Variants in NCLN observed in about 807,000 individuals in gnomAD.
NCLN encodes the protein nicalin.
A neutral mutation model predicts 69.5 loss-of-function variants in NCLN; 34 were observed. That is an observed-to-expected ratio of 0.49 (90% CI 0.37 to 0.65). NCLN has a LOEUF of 0.65. Ranked by LOEUF, NCLN falls within the 30% of genes least tolerant of loss-of-function variation. The probability of loss-of-function intolerance (pLI) is 0.00; values close to 1 mark genes in which losing one functional copy is unlikely to be tolerated. For synonymous variants in NCLN, 393 were observed against 358.3 expected, an observed-to-expected ratio of 1.10 and a Z score of -1.09; for missense variants, 710 against 804.8, an observed-to-expected ratio of 0.88 and a Z score of 1.42.
chr19:3,198,728 G>C, intron 4 of NCLN, 89 bp from the exon 5 acceptor site: 1 of 1,047,170 alleles, frequency 9.5e-7, no homozygotes, highest in Non-Finnish European at 1.4e-6. Context: ...CGGGCCCCAC[G>C]TGGCCCAGAG....
intron 5 of NCLN, 62 bp downstream of exon 5, chr19:3,198,959 T>C (rs987235029): frequency 1.6e-5 from 20 of 1,241,942 alleles, no homozygotes; most frequent in Non-Finnish European, 1.9e-5. Flanking sequence ...TCCAGTCCAG[T>C]GCCGAGGCAA....
rs1396614403 is a variant in NCLN at position 3,209,288 on chromosome 19, A to G, written c.*1600A>G. On this transcript the variant is annotated 3_prime_UTR_variant, in exon 15 of 15. Transcript: ENST00000246117. ...GCCCTGCGGGTTGCCCGCCTCCTCC[A>G]GAGACTTGCCCAAGGGCCCATCACC... 1 of 152,266 alleles carries G rather than the reference A, an allele frequency of 6.6e-6. No homozygotes were observed. Among genetic ancestry groups the G allele is most frequent in the Non-Finnish European group, 1.5e-5 (1 of 68,090 alleles). The allele number at this position is 152,266 out of a possible 1,614,324, so 9.4% of individuals were successfully genotyped here.
intron 6 of NCLN, 96 bp from the exon 7 acceptor site, chr19:3,203,660 C>T (rs1474511900): frequency 6.2e-6 from 7 of 1,135,846 alleles, no homozygotes; most frequent in African/African-American, 3.1e-5. Flanking sequence ...TTGGGGAGAC[C>T]TTCATACCCT....
chr19:3,198,887 G>T lies in NCLN; in HGVS notation c.686G>T (p.Gly229Val). Residue 229 changes from glycine to valine, a missense_variant, in exon 5 of 15, where the codon GGA (glycine) becomes GTA (valine). Gly to Val is a moderately radical substitution (Grantham distance 109). Coordinates refer to ENST00000246117, the MANE Select transcript of NCLN (RefSeq NM_020170.4). Reference sequence around the variant, plus strand: ...ATCGTGGCCCACTACGACGCCTTTGGAGTGGCCCCCGTACGTATGTGTGTC... The same window carrying T: ...ATCGTGGCCCACTACGACGCCTTTGTAGTGGCCCCCGTACGTATGTGTGTC... The part of the protein sequence containing the change: ...IVIVAHYDAF[G>V]VAPWLSLGAD... The T allele has an allele frequency of 1.3e-6, 2 of 1,536,234 alleles. No individual in the cohort carries two copies. Among genetic ancestry groups the T allele is most frequent in the Non-Finnish European group, 8.8e-7 (1 of 1,140,478 alleles).
rs570512282 is a variant in NCLN at position 3,201,955 on chromosome 19, G to C, written c.800+329G>C. On this transcript the variant is annotated intron_variant, in intron 6 of 14. Coordinates refer to ENST00000246117, the MANE Select transcript of NCLN (RefSeq NM_020170.4). ...TGGTCGGGGCCGGATTTTTCGCTGGGGGTGGGGGCCGTCCTGGGCACTGCA... is the reference window on the plus strand; with the variant it reads ...TGGTCGGGGCCGGATTTTTCGCTGGCGGTGGGGGCCGTCCTGGGCACTGCA... 1.8e-4 allele frequency among the ~76,000 whole-genome samples: 27 copies of C among 152,232 alleles called. 1 individual carries two copies. In the South Asian group the frequency reaches 4.6e-3, roughly 26 times the overall value.
intron 1 of NCLN, among the ~76,000 whole-genome samples, 168 bp from the exon 2 acceptor site, chr19:3,192,302 G>GTT (rs1568310303): frequency 6.7e-6 from 1 of 148,684 alleles, no homozygotes; most frequent in African/African-American, 2.5e-5. Context: ...GACCCGTTAT[G>GTT]TCGGGGGCAG....
At chr19:3,201,412 G>A (rs943338108) in intron 5 of NCLN, 111 bp from the exon 6 acceptor site, 21 of 736,300 alleles carry the variant, frequency 2.9e-5, no homozygotes, top group Non-Finnish European at 3.4e-5. Flanking sequence ...ATGGGGCTAC[G>A]GGAGTAGGGT....
At position 3,205,839 on chromosome 19, in the gene NCLN, C is replaced by G. The variant is rs771431393; in HGVS notation, c.1209-100C>G. 1.8e-5 allele frequency: 18 copies of G among 1,001,178 alleles called. No homozygotes were observed. Among genetic ancestry groups the G allele is most frequent in the Non-Finnish European group, 2.8e-5 (18 of 653,438 alleles). The allele number at this position is 1,001,178 out of a possible 1,614,324, so 62.0% of individuals were successfully genotyped here. On this transcript the variant is annotated intron_variant, in intron 9 of 14. Transcript: ENST00000246117. The surrounding 1 kb of genome is among the most constrained non-coding windows in gnomAD (Gnocchi z 4.6). ...TTTTTTTTTTTTTTAAAGACAGAGT[C>G]TCACGGTCTCCTAGGCTGGAGTGCT... is the stretch of plus-strand genomic sequence containing the variant.
At chr19:3,191,492 G>A (rs1043976517) in intron 1 of NCLN, among the ~76,000 whole-genome samples, 1 of 152,184 alleles carries the variant, frequency 6.6e-6, no homozygotes, top group African/African-American at 2.4e-5. Flanking sequence ...GAAAGCTTAC[G>A]TGTCCAAGGC....
chr19:3,199,646 G>A (rs533817997), intron 5 of NCLN, among the ~76,000 whole-genome samples: 1 of 151,624 alleles, frequency 6.6e-6, no homozygotes, highest in African/African-American at 2.4e-5. Context: ...GGAGTGGGGT[G>A]GGGGGGCATG....
chr19:3,191,566 C>T (rs912207704), intron 1 of NCLN, among the ~76,000 whole-genome samples: 1 of 151,606 alleles, frequency 6.6e-6, no homozygotes, highest in African/African-American at 2.4e-5. Context: ...TGTGGCTCAA[C>T]ACAGGGGTTT....
rs183367989 is a variant in NCLN at position 3,196,841 on chromosome 19, C to T, written c.615+564C>T. Among the ~76,000 whole-genome samples the T allele has an allele frequency of 1.4e-3, 216 of 152,374 alleles. 2 individuals are homozygous for T. Among genetic ancestry groups the T allele is most frequent in the Non-Finnish European group, 2.5e-3 (169 of 68,044 alleles). On this transcript the variant is annotated intron_variant, in intron 4 of 14. Transcript: ENST00000246117. ...GCCTTAAAACCCGAGGAAGCACCCA[C>T]CGACTCCTCTAGCATTTCCCTGCGG...
chr19:3,207,374 C>T lies in NCLN; in HGVS notation c.1554-17C>T. 2 of 1,613,082 alleles carry T rather than the reference C, an allele frequency of 1.2e-6. No homozygotes were observed. The highest frequency in any genetic ancestry group is 1.7e-6 in the Non-Finnish European group (2 of 1,179,956). ...CGCGCACCATCCTCGACCTCAGGGACCCTGCTTTCTCCACAGAGTCAAGCC... is the reference window on the plus strand; with the variant it reads ...CGCGCACCATCCTCGACCTCAGGGATCCTGCTTTCTCCACAGAGTCAAGCC... On this transcript the variant is annotated splice_polypyrimidine_tract_variant and intron_variant, in intron 13 of 14. Transcript: ENST00000246117.
chr19:3,207,897 A>C lies in NCLN; in HGVS notation c.*209A>C, dbSNP rs2144922810. On this transcript the variant is annotated 3_prime_UTR_variant, in exon 15 of 15. Transcript: ENST00000246117. ...TGTTTCTTCTTTTCCTTGTCTTTGA[A>C]CTTCCTTGGAGGAGAGCTTGGGAGA... The C allele has an allele frequency of 1.8e-6, 1 of 570,490 alleles. No individual in the cohort carries two copies. The highest frequency in any genetic ancestry group is 3.1e-6 in the Non-Finnish European group (1 of 319,364). The allele number at this position is 570,490 out of a possible 1,614,324, so 35.3% of individuals were successfully genotyped here.
At chr19:3,202,507 C>A (rs1299403261) in intron 6 of NCLN, among the ~76,000 whole-genome samples, 2 of 152,190 alleles carry the variant, frequency 1.3e-5, no homozygotes, top group African/African-American at 4.8e-5. Context: ...CCGGGTGAGA[C>A]CCCGGCCCAG....
rs989698199 is a variant in NCLN, at chr19:3,196,088, G to A, written c.521-95G>A. On this transcript the variant is annotated intron_variant, in intron 3 of 14. Coordinates refer to ENST00000246117, the MANE Select transcript of NCLN (RefSeq NM_020170.4). ...TCCCCACACCCGGCTGGTTGGCTCT[G>A]CCCGAGCCCCCAACCTGGGGTGTCA... 1.8e-5 allele frequency: 15 copies of A among 812,542 alleles called. 1 individual carries two copies. The highest frequency in any genetic ancestry group is 1.8e-4 in the South Asian group (9 of 49,220). 50.3% of individuals were successfully genotyped at this position (812,542 alleles called of 1,614,324 possible).
chr19:3,198,831 G>A lies in NCLN; in HGVS notation c.630G>A (p.Gly210=). 3 of 1,577,442 alleles carry A rather than the reference G, an allele frequency of 1.9e-6. No individual in the cohort carries two copies. Among genetic ancestry groups the A allele is most frequent in the South Asian group, 1.1e-5 (1 of 87,656 alleles). The change falls in exon 5 of 15, where the codon GGG becomes GGA. Residue 210 remains glycine, a synonymous_variant. Coordinates refer to ENST00000246117, the MANE Select transcript of NCLN (RefSeq NM_020170.4). ...TCTATCCACAGGGGCGGCTGACGGG[G>A]CTGGGCGGAGAGGACCTTCCCACCA... ...LIASVEGRLT[G]LGGEDLPTIV... is the part of the protein sequence containing the mutation.
intron 1 of NCLN, among the ~76,000 whole-genome samples, chr19:3,187,470 G>T (rs567489565): frequency 1.3e-5 from 2 of 152,188 alleles, no homozygotes. Context: ...AACCTGAGGC[G>T]CGGGGACCCC....
intron 1 of NCLN, among the ~76,000 whole-genome samples, chr19:3,190,434 C>T (rs1915789291): frequency 6.6e-6 from 1 of 152,200 alleles, no homozygotes; most frequent in South Asian, 2.1e-4. Context: ...CCCATGCACC[C>T]AGCTCAGCCC....
Sources: allele counts gnomAD v4.1 joint callset (sites outside exome capture counted in the v4.1 genomes callset), GRCh38; gene constraint gnomAD v4.1.1; non-coding constraint Gnocchi (gnomAD v3.1); transcripts MANE v1.5; gene names NCBI Gene and HGNC (gene_info 2026-07-23, HGNC 2026-07-21).